Variants in COX5A observed in about 807,000 individuals in gnomAD.
COX5A encodes the protein cytochrome c oxidase subunit 5A.
A neutral mutation model predicts 16.1 loss-of-function variants in COX5A; 6 were observed. That is an observed-to-expected ratio of 0.37 (90% CI 0.20 to 0.73). The LOEUF is 0.73. Among genes scored for constraint, COX5A ranks in the 30% least tolerant of loss-of-function variants. COX5A has a pLI of 0.50. For missense variants in COX5A, 159 were observed against 194.9 expected, an observed-to-expected ratio of 0.82 and a Z score of 1.10; for synonymous variants, 73 against 73.8, an observed-to-expected ratio of 0.99 and a Z score of 0.06.
chr15:74,933,418 A>T (rs199542591), intron 1 of COX5A, among the ~76,000 whole-genome samples: 6 of 134,042 alleles, frequency 4.5e-5, no homozygotes, highest in African/African-American at 1.7e-4. Context: ...CAAAAAAAAA[A>T]ATATCTATCT....
intron 3 of COX5A, 133 bp from the exon 4 acceptor site, chr15:74,923,903 G>A (rs916744585): frequency 1.6e-6 from 1 of 614,656 alleles, no homozygotes; most frequent in Non-Finnish European, 2.9e-6. Context: ...TGATCAGCTG[G>A]GCATGGTGGC....
chr15:74,937,813 G>A (rs1375872945), intron 1 of COX5A, 102 bp downstream of exon 1: 6 of 710,460 alleles, frequency 8.4e-6, no homozygotes, highest in Non-Finnish European at 9.7e-6. Flanking sequence ...AACCAGGGTA[G>A]GGCAAGGGCT....
Position 74,926,812 on chromosome 15 carries a change from C to A in COX5A, c.293G>T (p.Arg98Leu). 1 of 1,613,900 alleles carries A rather than the reference C, an allele frequency of 6.2e-7. No homozygotes were observed. ...IIDAALRACR[R>L]LNDFASTVRI... Reference sequence around the variant, plus strand: ...AACTGTACTAGCAAAATCATTTAACCGTCTGCATGCCCGCAAAGCAGCATC... The same window carrying A: ...AACTGTACTAGCAAAATCATTTAACAGTCTGCATGCCCGCAAAGCAGCATC... Residue 98 changes from arginine to leucine, a missense_variant, in exon 3 of 5, where the codon CGG becomes CTG. Arg to Leu is a moderately radical substitution (Grantham distance 102). Transcript: ENST00000322347.
At chr15:74,926,924 A>G (rs781722989) in intron 2 of COX5A, 37 bp from the exon 3 acceptor site, 3 of 1,601,968 alleles carry the variant, frequency 1.9e-6, no homozygotes, top group Non-Finnish European at 1.7e-6. Flanking sequence ...TCAACCTCGA[A>G]GAGCCTCACT....
In COX5A at chr15:74,929,769, C is replaced by T. The variant is rs894308632; in HGVS notation, c.101-537G>A. On this transcript the variant is annotated intron_variant, in intron 1 of 4. Transcript: ENST00000322347. The stretch of plus-strand genomic sequence containing the variant: ...TTGCATTCCAGCCTGGGCAACACAG[C>T]GACACCCCACTTCTAAAAACTAAGA... Among the ~76,000 whole-genome samples the T allele has an allele frequency of 2.0e-5, 3 of 152,172 alleles. No individual in the cohort carries two copies. The South Asian group carries it at 6.2e-4, about 32-fold the overall frequency.
At chr15:74,931,014 C>G (rs2065364677) in intron 1 of COX5A, among the ~76,000 whole-genome samples, 1 of 44,210 alleles carries the variant, frequency 2.3e-5, no homozygotes, top group African/African-American at 1.4e-4. Flanking sequence ...GAGACTCTGT[C>G]TCAAAAAAAA....
rs1161754498 is a variant in COX5A, at chr15:74,920,135, A to AT, written c.*316dup. 11 of 490,692 alleles carry AT rather than the reference A, an allele frequency of 2.2e-5. No individual in the cohort carries two copies. Among genetic ancestry groups the AT allele is most frequent in the Non-Finnish European group, 3.9e-5 (11 of 284,634 alleles). 30.4% of individuals were successfully genotyped at this position (490,692 alleles called of 1,614,324 possible). On this transcript the variant is annotated 3_prime_UTR_variant, in exon 5 of 5. Transcript: ENST00000322347. ...CAAGCTAGGGCACCCAAACATATTA[A>AT]TGAAGCTGATTTTCATGTCAGATGG...
chr15:74,928,783 G>A (rs551528696), intron 2 of COX5A, among the ~76,000 whole-genome samples: 1 of 152,292 alleles, frequency 6.6e-6, no homozygotes, highest in South Asian at 2.1e-4. Context: ...TCATCCCTCA[G>A]GAGACACTGG....
At chr15:74,921,691 C>T (rs528950903) in intron 4 of COX5A, among the ~76,000 whole-genome samples, 135 of 152,316 alleles carry the variant, frequency 8.9e-4, no homozygotes, top group Admixed American at 1.2e-3. Flanking sequence ...GGTCGTGCCA[C>T]TGTACTCCAG....
chr15:74,932,947 C>T (rs991026221), intron 1 of COX5A, among the ~76,000 whole-genome samples: 11 of 151,538 alleles, frequency 7.3e-5, no homozygotes, highest in African/African-American at 1.9e-4. Context: ...CTGCCTGCCT[C>T]GGCCTCCCAA....
intron 1 of COX5A, among the ~76,000 whole-genome samples, chr15:74,931,683 A>G (rs1347159315): frequency 6.6e-6 from 1 of 151,150 alleles, no homozygotes; most frequent in Non-Finnish European, 1.5e-5. Flanking sequence ...CCTTCTGAGT[A>G]GCTGAGACTA....
chr15:74,931,862 T>C lies in COX5A; in HGVS notation c.101-2630A>G, dbSNP rs79837806. ...AGCCACTGCACCCAGCCCCATTTTT[T>C]CTTTCTTCTTGTCAAATGGACACTG... On this transcript the variant is annotated intron_variant, in intron 1 of 4. Coordinates refer to ENST00000322347, the MANE Select transcript of COX5A (RefSeq NM_004255.4). 6.1e-3 allele frequency among the ~76,000 whole-genome samples: 922 copies of C among 152,294 alleles called. 13 individuals are homozygous for C. Among genetic ancestry groups the C allele is most frequent in the African/African-American group, 0.021 (881 of 41,576 alleles).
At chr15:74,925,002 T>C (rs1424090631) in intron 3 of COX5A, among the ~76,000 whole-genome samples, 1 of 152,074 alleles carries the variant, frequency 6.6e-6, no homozygotes, top group Non-Finnish European at 1.5e-5. Flanking sequence ...CAAGGTTCCT[T>C]AGGAACGAAT....
chr15:74,932,195 C>T lies in COX5A; in HGVS notation c.101-2963G>A, dbSNP rs148958672. ...CTATAAACTAACCCTTATCTAAAAA[C>T]GTCTTAGTTGTCTATTTATAGAAAT... On this transcript the variant is annotated intron_variant, in intron 1 of 4. Transcript: ENST00000322347. Among the ~76,000 whole-genome samples, 387 of 152,236 alleles carry T rather than the reference C, an allele frequency of 2.5e-3. 4 individuals carry two copies. Among genetic ancestry groups the T allele is most frequent in the East Asian group, 7.1e-3 (37 of 5,196 alleles).
intron 4 of COX5A, 148 bp from the exon 5 acceptor site, chr15:74,920,590 C>A: frequency 1.7e-6 from 1 of 578,760 alleles, no homozygotes. Flanking sequence ...ACTGTCAACC[C>A]ACAAGCGACT....
At chr15:74,923,809 AAGCCATGTCTATTAATTCAT>A in intron 3 of COX5A, 39 bp from the exon 4 acceptor site, 2 of 1,258,356 alleles carry the variant, frequency 1.6e-6, no homozygotes, top group Non-Finnish European at 2.3e-6. Context: ...ACTCTCTCAA[AAGCCATGTCTATTAATTCAT>A]GAAATGAACT....
intron 4 of COX5A, among the ~76,000 whole-genome samples, chr15:74,921,417 A>AAAG (rs1459641886): frequency 6.7e-6 from 1 of 148,890 alleles, no homozygotes; most frequent in Non-Finnish European, 1.5e-5. Context: ...CAAAAAAAAA[A>AAAG]AAAAAAAAAG....
intron 1 of COX5A, among the ~76,000 whole-genome samples, chr15:74,936,558 C>T (rs1779295634): frequency 6.6e-6 from 1 of 151,792 alleles, no homozygotes; most frequent in Non-Finnish European, 1.5e-5. Context: ...AAATAAAGTA[C>T]CCTCCAGCCT....
At chr15:74,932,430 G>A (rs965579625) in intron 1 of COX5A, among the ~76,000 whole-genome samples, 5 of 152,066 alleles carry the variant, frequency 3.3e-5, no homozygotes, top group Admixed American at 1.3e-4. Flanking sequence ...TTACAGGTGT[G>A]AGCCACCATG....
Sources: allele counts gnomAD v4.1 joint callset (sites outside exome capture counted in the v4.1 genomes callset), GRCh38; gene constraint gnomAD v4.1.1; transcripts MANE v1.5; gene names NCBI Gene and HGNC (gene_info 2026-07-23, HGNC 2026-07-21).